The following FMR1 variants were observed in gnomAD, a reference collection of about 807,000 sequenced individuals.
FMR1 encodes fragile X messenger ribonucleoprotein 1, also known as FMRP translational regulator 1.
A neutral mutation model predicts 50.6 loss-of-function variants in FMR1; 13 were observed. The ratio of observed to expected loss-of-function variants is 0.26; its 90% CI spans 0.17 to 0.41. The LOEUF (loss-of-function observed/expected upper bound fraction) is 0.41, where lower values mean the gene tolerates loss of function less well. Ranked by LOEUF, FMR1 falls within the 10% of genes least tolerant of loss-of-function variation. The probability of loss-of-function intolerance (pLI) is 1.00; values close to 1 mark genes in which losing one functional copy is unlikely to be tolerated. For synonymous variants in FMR1, 138 were observed against 164.1 expected, an observed-to-expected ratio of 0.84 and a Z score of 1.22; for missense variants, 316 against 491.3, an observed-to-expected ratio of 0.64 and a Z score of 3.37.
At chrX:147,944,673 C>A in intron 14 of FMR1, 196 bp from the exon 15 acceptor site, 2 of 1,038,385 alleles carry the variant, frequency 1.9e-6, no homozygotes, top group Non-Finnish European at 2.5e-6. Flanking sequence ...CCAAAATTAA[C>A]CTCAAATATT....
intron 9 of FMR1, among the ~76,000 whole-genome samples, chrX:147,936,060 G>T (rs1293848579): frequency 1.8e-5 from 2 of 112,110 alleles, no homozygotes; most frequent in African/African-American, 6.5e-5. Context: ...TTTAAATCAG[G>T]TACAGACAAG....
intron 9 of FMR1, among the ~76,000 whole-genome samples, chrX:147,934,909 C>T (rs1265134030): frequency 2.7e-5 from 3 of 111,539 alleles, no homozygotes; most frequent in Non-Finnish European, 5.7e-5. Flanking sequence ...CACAAACTCT[C>T]TTTGGTATGT....
intron 9 of FMR1, 70 bp from the exon 10 acceptor site, chrX:147,936,434 A>G: frequency 1.6e-6 from 1 of 632,944 alleles, no homozygotes. Context: ...GTAATAGTTT[A>G]CAGTAGGGCT....
intron 5 of FMR1, 54 bp downstream of exon 5, chrX:147,928,861 T>C (rs956123187): frequency 8.0e-5 from 91 of 1,130,843 alleles, no homozygotes; most frequent in Non-Finnish European, 1.1e-4. Context: ...GCAATTAGTT[T>C]AGAAGAATTT....
intron 5 of FMR1, among the ~76,000 whole-genome samples, chrX:147,929,366 A>G (rs1371259810): frequency 1.8e-5 from 2 of 111,406 alleles, no homozygotes; most frequent in East Asian, 5.6e-4. Flanking sequence ...ATTAAATTGC[A>G]GTTCAGAATA....
intron 2 of FMR1, among the ~76,000 whole-genome samples, chrX:147,923,979 GTTTTAGGTGCTTTGT>G (rs1322344550): frequency 1.8e-5 from 2 of 111,796 alleles, no homozygotes; most frequent in African/African-American, 3.3e-5. Flanking sequence ...ATAGCAGATT[GTTTTAGGTGCTTTGT>G]TTTTAGGTGC....
At chrX:147,946,654 A>G (rs1388883039) in intron 16 of FMR1, among the ~76,000 whole-genome samples, 1 of 112,476 alleles carries the variant, frequency 8.9e-6, no homozygotes, top group Non-Finnish European at 1.9e-5. Context: ...CATAGCTAGC[A>G]TATGTCCAAA....
In FMR1 at chrX:147,949,943, T is replaced by C; in HGVS notation, c.*1099T>C. The C allele has an allele frequency of 3.1e-6, 1 of 327,216 alleles. No individual in the cohort carries two copies. The highest frequency in any genetic ancestry group is 5.9e-6 in the Non-Finnish European group (1 of 169,371). 27.0% of individuals were successfully genotyped at this position (327,216 alleles called of 1,213,427 possible). On this transcript the variant is annotated 3_prime_UTR_variant, in exon 17 of 17. Coordinates refer to ENST00000370475, the MANE Select transcript of FMR1 (RefSeq NM_002024.6). ...TAAGAAACATTGGAAGCAGGTTAAA[T>C]GTTTTGTAAACTTTGAAATATATGG... is the stretch of plus-strand genomic sequence containing the variant.
chrX:147,937,573 T>C lies in FMR1; in HGVS notation c.1098T>C (p.Ser366=). ...LDIKENSTHF[S]QPNSTKVQRV... is the part of the protein sequence containing the mutation. ...TAAAGGAAAACAGCACCCATTTTTC[T>C]CAACCTAACAGTACAAAAGTCCAGA... Residue 366 remains serine, a synonymous_variant, in exon 11 of 17, where the codon TCT becomes TCC. Coordinates refer to ENST00000370475, the MANE Select transcript of FMR1 (RefSeq NM_002024.6). 1 of 1,052,787 alleles carries C rather than the reference T, an allele frequency of 9.5e-7. No individual in the cohort carries two copies. Among genetic ancestry groups the C allele is most frequent in the Non-Finnish European group, 1.3e-6 (1 of 750,577 alleles). The allele number at this position is 1,052,787 out of a possible 1,213,427, so 86.8% of individuals were successfully genotyped here. A position where few individuals can be genotyped will look rare whatever the true frequency, so the allele number is the denominator to read the frequency against.
intron 10 of FMR1, among the ~76,000 whole-genome samples, chrX:147,937,259 G>A (rs2043820838): frequency 9.0e-6 from 1 of 111,674 alleles, no homozygotes; most frequent in Admixed American, 9.5e-5. Flanking sequence ...TTCACATATT[G>A]TCTAGCTTTC....
At chrX:147,914,733 A>G (rs782727451) in intron 1 of FMR1, among the ~76,000 whole-genome samples, 1 of 112,134 alleles carries the variant, frequency 8.9e-6, no homozygotes, top group Non-Finnish European at 1.9e-5. Context: ...GTACCACTTT[A>G]TAGTGCCCTG....
intron 14 of FMR1, chrX:147,944,635 T>A: frequency 9.7e-7 from 1 of 1,034,851 alleles, no homozygotes; most frequent in African/African-American, 1.9e-5. Flanking sequence ...CATACCTTTT[T>A]AAAAATGAGA....
intron 13 of FMR1, among the ~76,000 whole-genome samples, chrX:147,941,993 T>G (rs1403319854): frequency 8.9e-6 from 1 of 112,724 alleles, no homozygotes; most frequent in East Asian, 2.8e-4. Context: ...TCCTATTCCA[T>G]GAGCTATTAC....
chrX:147,932,912 A>G, intron 9 of FMR1, 149 bp downstream of exon 9: 1 of 457,703 alleles, frequency 2.2e-6, no homozygotes, highest in Non-Finnish European at 3.8e-6. Flanking sequence ...CTTTTTTTTT[A>G]TTATTTAAGT....
intron 10 of FMR1, among the ~76,000 whole-genome samples, chrX:147,936,911 AATAAT>A (rs2043807884): frequency 9.0e-6 from 1 of 111,373 alleles, no homozygotes; most frequent in Non-Finnish European, 1.9e-5. Flanking sequence ...AATTTAATAA[AATAAT>A]ATATATGTAA....
At chrX:147,941,089 T>A in intron 13 of FMR1, among the ~76,000 whole-genome samples, 1 of 112,463 alleles carries the variant, frequency 8.9e-6, no homozygotes. Flanking sequence ...ATGTTTACCC[T>A]ATTTTTCTCT....
chrX:147,917,460 C>T (rs948200912), intron 1 of FMR1, among the ~76,000 whole-genome samples: 1 of 112,035 alleles, frequency 8.9e-6, no homozygotes, highest in Non-Finnish European at 1.9e-5. Context: ...TGATGAAGAA[C>T]TTGTATCTCT....
intron 12 of FMR1, among the ~76,000 whole-genome samples, 179 bp downstream of exon 12, chrX:147,938,340 T>C (rs1281868359): frequency 8.9e-6 from 1 of 111,940 alleles, no homozygotes; most frequent in Non-Finnish European, 1.9e-5. Flanking sequence ...CTTGTAAGGC[T>C]TTTCCTAATT....
At chrX:147,912,879 A>T (rs2042663917) in intron 1 of FMR1, 2 of 291,666 alleles carry the variant, frequency 6.9e-6, no homozygotes, top group African/African-American at 2.8e-5. Context: ...CAAAAGTTTC[A>T]GGAAGACCCT....
Sources: allele counts gnomAD v4.1 joint callset (sites outside exome capture counted in the v4.1 genomes callset), GRCh38; gene constraint gnomAD v4.1.1; transcripts MANE v1.5; gene names NCBI Gene and HGNC (gene_info 2026-07-23, HGNC 2026-07-21).